ZNF717: variants seen among roughly 807,000 people sequenced by gnomAD.
ZNF717 encodes zinc finger protein 717.
ZNF717 carries 9 observed loss-of-function variants against 13.8 expected under a neutral mutation model. The observed-to-expected ratio is 0.65, with a 90% confidence interval of 0.39 to 1.14. The LOEUF is 1.14. Among genes scored for constraint, ZNF717 ranks in the 50% most tolerant of loss-of-function variants. The pLI, the probability that ZNF717 is intolerant of heterozygous loss-of-function variation, is 0.01. For missense variants in ZNF717, 1,040 were observed against 1,080.7 expected (o/e 0.96, Z 0.53); for synonymous variants, 327 against 364.1 (o/e 0.90, Z 1.16).
At chr3:75,756,225 C>A (rs191081085) in intron 2 of ZNF717, among the ~76,000 whole-genome samples, 1 of 152,246 alleles carries the variant, frequency 6.6e-6, no homozygotes, top group Non-Finnish European at 1.5e-5. Context: ...AAATCACACC[C>A]GGATAAGACA....
At chr3:75,729,021 A>G (rs1193390256), downstream of ZNF717, among the ~76,000 whole-genome samples, 1 of 146,420 alleles carries the variant, frequency 6.8e-6, no homozygotes, top group East Asian at 2.1e-4. Context: ...GAACAATCAG[A>G]TATGCATTTG....
At chr3:75,769,026 A>C (rs1352611231) in intron 2 of ZNF717, among the ~76,000 whole-genome samples, 1 of 152,218 alleles carries the variant, frequency 6.6e-6, no homozygotes, top group African/African-American at 2.4e-5. Flanking sequence ...AGAAATGTTA[A>C]TAGTTTGTGG....
chr3:75,764,999 A>ATATATATATATATATG (rs1943332030), intron 2 of ZNF717, among the ~76,000 whole-genome samples: 1 of 22,386 alleles, frequency 4.5e-5, no homozygotes, highest in African/African-American at 1.8e-4. Flanking sequence ...GGATATATAT[A>ATATATATATATATATG]TATATATATA....
At chr3:75,725,287 T>G (rs1413624192), downstream of ZNF717, among the ~76,000 whole-genome samples, 1 of 152,276 alleles carries the variant, frequency 6.6e-6, no homozygotes, top group Non-Finnish European at 1.5e-5. Context: ...CTCAAGGACT[T>G]AAAAGCACTT....
At chr3:75,758,831 C>A (rs372657049) in intron 2 of ZNF717, among the ~76,000 whole-genome samples, 1 of 149,984 alleles carries the variant, frequency 6.7e-6, no homozygotes, top group African/African-American at 2.5e-5. Context: ...TGGCAAAACA[C>A]CATCTCTACA....
intron 1 of ZNF717, chr3:75,785,142 A>C (rs891678498): frequency 3.3e-5 from 5 of 152,054 alleles, no homozygotes; most frequent in Admixed American, 1.3e-4. Flanking sequence ...GTTTCGCACT[A>C]CTCCTCTGGG....
intron 2 of ZNF717, among the ~76,000 whole-genome samples, chr3:75,744,602 T>G (rs1940924342): frequency 6.6e-6 from 1 of 152,132 alleles, no homozygotes; most frequent in Non-Finnish European, 1.5e-5. Flanking sequence ...GGCTGGAGGA[T>G]CCGCGTGGAC....
intron 2 of ZNF717, among the ~76,000 whole-genome samples, chr3:75,782,742 C>T (rs1371219302): frequency 1.3e-5 from 2 of 152,132 alleles, no homozygotes; most frequent in African/African-American, 4.8e-5. Flanking sequence ...CACTGCACAA[C>T]ATGCCGTGCT....
chr3:75,716,954 C>T (rs1357389845), intron 4 of ZNF717, among the ~76,000 whole-genome samples: 4 of 152,170 alleles, frequency 2.6e-5, no homozygotes, highest in African/African-American at 9.7e-5. Flanking sequence ...CTATGTTGTA[C>T]ATTTTGAAAA....
At chr3:75,758,459 A>T (rs1199945677) in intron 2 of ZNF717, among the ~76,000 whole-genome samples, 1 of 151,756 alleles carries the variant, frequency 6.6e-6, no homozygotes, top group Admixed American at 6.6e-5. Context: ...ACAGGATTGA[A>T]CCCAATGATT....
chr3:75,755,753 G>C (rs1007275416), intron 2 of ZNF717, among the ~76,000 whole-genome samples: 83 of 152,340 alleles, frequency 5.4e-4, no homozygotes, highest in African/African-American at 2.0e-3. Context: ...AAGAAAGACA[G>C]GGAAAATGTA....
chr3:75,769,831 A>C (rs564690489), intron 2 of ZNF717, among the ~76,000 whole-genome samples: 1 of 152,354 alleles, frequency 6.6e-6, no homozygotes, highest in African/African-American at 2.4e-5. Context: ...CTGAAATAGG[A>C]AGTGTAATAT....
chr3:75,713,604 T>C (rs1451878073), intron 5 of ZNF717, among the ~76,000 whole-genome samples: 2 of 152,150 alleles, frequency 1.3e-5, no homozygotes, highest in Non-Finnish European at 2.9e-5. Flanking sequence ...AAAATCCATA[T>C]AACATATCCA....
At chr3:75,756,410 AAAGGAAGAAAT>A (rs1250937894) in intron 2 of ZNF717, among the ~76,000 whole-genome samples, 1 of 152,248 alleles carries the variant, frequency 6.6e-6, no homozygotes, top group African/African-American at 2.4e-5. Flanking sequence ...CTTTAAACCA[AAAGGAAGAAAT>A]AATTAAGCTT....
intron 6 of ZNF717, among the ~76,000 whole-genome samples, chr3:75,696,652 G>A (rs113641242): frequency 0.04 from 5,985 of 150,494 alleles, 2 homozygotes; most frequent in African/African-American, 0.14. Context: ...CAGCACTTTG[G>A]GAAGCCGAGG....
At position 75,773,938 on chromosome 3, in the gene ZNF717, A is replaced by T. The variant is rs543646476; in HGVS notation, c.57+9368T>A. On this transcript the variant is annotated intron_variant, in intron 2 of 4. Transcript: ENST00000652011. ...GTGGTGCATGCCTCTAATCCCAGCT[A>T]CTCAGGAGGCTGGGGCAGGAGAATC... is the stretch of plus-strand genomic sequence containing the variant. Among the ~76,000 whole-genome samples, 8 of 152,272 alleles carry T rather than the reference A, an allele frequency of 5.3e-5. No individual in the cohort carries two copies. In the South Asian group the frequency reaches 1.7e-3, roughly 32 times the overall value.
intron 2 of ZNF717, among the ~76,000 whole-genome samples, chr3:75,753,111 A>G (rs1404137784): frequency 7.3e-5 from 11 of 151,620 alleles, no homozygotes; most frequent in African/African-American, 1.2e-4. Context: ...TAGGGTCTGA[A>G]TATCTGTCCG....
exon 6 of ZNF717, chr3:75,730,303 C>T (rs2106899531): frequency 3.9e-6 from 1 of 253,504 alleles, no homozygotes; most frequent in African/African-American, 2.2e-5. Flanking sequence ...CAGATGACCT[C>T]CTACATCAGG....
intron 2 of ZNF717, among the ~76,000 whole-genome samples, chr3:75,755,413 G>C (rs201237439): frequency 6.6e-6 from 1 of 152,078 alleles, no homozygotes; most frequent in Admixed American, 6.5e-5. Flanking sequence ...AAAAGGAATG[G>C]AATGGAAGGA....
Sources: gnomAD v4.1 joint callset for allele counts (sites outside exome capture counted in the v4.1 genomes callset) on GRCh38, gnomAD v4.1.1 for gene constraint, MANE v1.5 for transcripts, NCBI Gene and HGNC (gene_info 2026-07-23, HGNC 2026-07-21) for gene names.